Variants in CPAP observed in about 807,000 individuals in gnomAD.
CPAP encodes centrosomal P4.1-associated protein.
At chr13:24,905,779 A>G in the CPAP span, 1 of 1,614,076 alleles carries the variant, frequency 6.2e-7, no homozygotes, top group South Asian at 1.1e-5. Context: ...CCAGATCAAC[A>G]TCTCTCCTTT....
chr13:24,911,197 A>T, the CPAP span, among the ~76,000 whole-genome samples: 1 of 152,204 alleles, frequency 6.6e-6, no homozygotes, highest in African/African-American at 2.4e-5. Context: ...TGCCAGGAAC[A>T]CCAATAAGGA....
At chr13:24,927,481 C>T in the CPAP span, among the ~76,000 whole-genome samples, 1 of 152,212 alleles carries the variant, frequency 6.6e-6, no homozygotes, top group Non-Finnish European at 1.5e-5. Context: ...AATTTGCAAC[C>T]TATGGGGCCC....
At chr13:24,891,670 CCCTT>C in the CPAP span, among the ~76,000 whole-genome samples, 2 of 152,198 alleles carry the variant, frequency 1.3e-5, no homozygotes, top group African/African-American at 4.8e-5. Context: ...TGCCCATGCT[CCCTT>C]CCACCTGTTC....
chr13:24,923,935 TCTC>T, the CPAP span, among the ~76,000 whole-genome samples: 7 of 152,258 alleles, frequency 4.6e-5, no homozygotes, highest in African/African-American at 1.7e-4. Flanking sequence ...TTCACGCCAT[TCTC>T]CTGCCTCAGC....
chr13:24,882,364 G>A, the CPAP span: 1 of 151,910 alleles, frequency 6.6e-6, no homozygotes, highest in East Asian at 1.9e-4. Flanking sequence ...CATAGTATAT[G>A]TGACAGGTAA....
At chr13:24,900,629 T>C in the CPAP span, among the ~76,000 whole-genome samples, 49 of 150,512 alleles carry the variant, frequency 3.3e-4, no homozygotes, top group Admixed American at 8.6e-4. Context: ...GCAACAAGAG[T>C]GAAACTCCAT....
chr13:24,914,072 C>G, the CPAP span, among the ~76,000 whole-genome samples: 6 of 152,030 alleles, frequency 3.9e-5, no homozygotes, highest in African/African-American at 1.4e-4. Flanking sequence ...ACACATTATA[C>G]AGTATGTTAA....
At chr13:24,912,129 G>A in the CPAP span, 14 of 1,507,150 alleles carry the variant, frequency 9.3e-6, no homozygotes, top group Non-Finnish European at 1.2e-5. Flanking sequence ...TGGACACCTC[G>A]TTCCCTTAAT....
At chr13:24,915,983 CAA>C in the CPAP span, among the ~76,000 whole-genome samples, 1 of 152,134 alleles carries the variant, frequency 6.6e-6, no homozygotes, top group African/African-American at 2.4e-5. Context: ...ATGAGAACTT[CAA>C]TGAGAGTAGC....
At chr13:24,892,768 AC>A in the CPAP span, 4 of 1,613,718 alleles carry the variant, frequency 2.5e-6, no homozygotes, top group South Asian at 4.4e-5. Flanking sequence ...TCTCTGACTA[AC>A]ATTTGTATCT....
chr13:24,892,546 TG>T, the CPAP span: 1 of 922,266 alleles, frequency 1.1e-6, no homozygotes, highest in Non-Finnish European at 1.8e-6. Flanking sequence ...CCCCAGCCCC[TG>T]GCAGCTCCCA....
chr13:24,884,194 G>C, the CPAP span: 1 of 1,614,196 alleles, frequency 6.2e-7, no homozygotes, highest in Non-Finnish European at 8.5e-7. Context: ...AAGACTTCCA[G>C]TCCCTCCGGG....
chr13:24,923,840 A>G, the CPAP span, among the ~76,000 whole-genome samples: 2 of 150,952 alleles, frequency 1.3e-5, no homozygotes, highest in Non-Finnish European at 3.0e-5. Flanking sequence ...TTTAATTTTT[A>G]TTTTTTGAGA....
At chr13:24,907,931 G>A in the CPAP span, 12 of 1,003,720 alleles carry the variant, frequency 1.2e-5, no homozygotes, top group African/African-American at 1.6e-5. Context: ...GAAAAATATA[G>A]ATCTTTCAAA....
At chr13:24,912,925 C>T in the CPAP span, 1 of 1,614,126 alleles carries the variant, frequency 6.2e-7, no homozygotes, top group Non-Finnish European at 8.5e-7. Context: ...AATAGGAAAT[C>T]CACGATTTAA....
the CPAP span, among the ~76,000 whole-genome samples, chr13:24,900,880 C>A: frequency 1.3e-5 from 2 of 152,274 alleles, no homozygotes; most frequent in South Asian, 4.1e-4. Context: ...CAAGATTTTC[C>A]ACTGGGCAAA....
chr13:24,915,882 C>T, the CPAP span, among the ~76,000 whole-genome samples: 1 of 152,046 alleles, frequency 6.6e-6, no homozygotes, highest in Non-Finnish European at 1.5e-5. Context: ...GAAAGTGTTT[C>T]GAGGAGGAAA....
At chr13:24,909,460 A>T in the CPAP span, among the ~76,000 whole-genome samples, 2 of 151,512 alleles carry the variant, frequency 1.3e-5, no homozygotes, top group African/African-American at 4.8e-5. Context: ...CCCGAGAGGC[A>T]GAGGTTGCAG....
the CPAP span, among the ~76,000 whole-genome samples, chr13:24,925,327 C>A: frequency 6.6e-6 from 1 of 152,136 alleles, no homozygotes; most frequent in Non-Finnish European, 1.5e-5. Flanking sequence ...GAGTTGACAG[C>A]TTTTCATTGC....
Sources: allele counts gnomAD v4.1 joint callset (sites outside exome capture counted in the v4.1 genomes callset), GRCh38; gene constraint gnomAD v4.1.1; transcripts MANE v1.5; gene names NCBI Gene and HGNC (gene_info 2026-07-23, HGNC 2026-07-21).